Variants in SH2D4A observed in about 807,000 individuals in gnomAD.
SH2D4A encodes the protein SH2 domain containing 4A.
Under a neutral mutation model 64.7 loss-of-function variants are expected in SH2D4A, and 70 were observed. The observed-to-expected ratio is 1.08, with a 90% CI of 0.89 to 1.32. The LOEUF is 1.32. Ranked by LOEUF, SH2D4A falls within the 40% of genes most tolerant of loss-of-function variation. SH2D4A has a pLI of 0.00. For missense variants in SH2D4A, 706 were observed against 540.1 expected (o/e 1.31, Z -3.04); for synonymous variants, 268 against 200.7 (o/e 1.34, Z -2.83).
intron 4 of SH2D4A, among the ~76,000 whole-genome samples, chr8:19,338,687 A>G (rs1014858153): frequency 6.6e-6 from 1 of 152,198 alleles, no homozygotes; most frequent in Non-Finnish European, 1.5e-5. Flanking sequence ...AGTCTATGGA[A>G]GTCACGCAGC....
At chr8:19,392,453 T>C (rs1443920113) in intron 8 of SH2D4A, among the ~76,000 whole-genome samples, 1 of 152,052 alleles carries the variant, frequency 6.6e-6, no homozygotes. Context: ...TTTAGCAACA[T>C]CCCTGACCTC....
intron 6 of SH2D4A, among the ~76,000 whole-genome samples, chr8:19,362,463 G>A (rs2052907429): frequency 6.6e-6 from 1 of 152,202 alleles, no homozygotes; most frequent in South Asian, 2.1e-4. Context: ...TTTTAGGCCA[G>A]GCACTGTGTC....
intron 9 of SH2D4A, among the ~76,000 whole-genome samples, chr8:19,394,237 A>C (rs927629300): frequency 1.3e-4 from 20 of 152,148 alleles, no homozygotes; most frequent in African/African-American, 4.6e-4. Flanking sequence ...AATACAGATG[A>C]AGCTTCACTC....
chr8:19,320,430 A>G (rs1473069130), intron 2 of SH2D4A, among the ~76,000 whole-genome samples: 1 of 152,020 alleles, frequency 6.6e-6, no homozygotes, highest in Non-Finnish European at 1.5e-5. Flanking sequence ...AGTTCTGACC[A>G]GCCTGGAAAT....
chr8:19,318,985 T>G (rs2052137254), intron 1 of SH2D4A, among the ~76,000 whole-genome samples: 1 of 152,158 alleles, frequency 6.6e-6, no homozygotes, highest in African/African-American at 2.4e-5. Flanking sequence ...CCTGTGACTT[T>G]TTTTTTTCTT....
At chr8:19,316,558 G>C (rs377657754) in intron 1 of SH2D4A, among the ~76,000 whole-genome samples, 1 of 152,266 alleles carries the variant, frequency 6.6e-6, no homozygotes, top group South Asian at 2.1e-4. Flanking sequence ...TTCCTGGCTG[G>C]GGTGTGTGCA....
intron 4 of SH2D4A, among the ~76,000 whole-genome samples, chr8:19,348,578 A>G (rs1447772546): frequency 6.6e-6 from 1 of 152,154 alleles, no homozygotes; most frequent in Non-Finnish European, 1.5e-5. Flanking sequence ...ACTGGACTTC[A>G]GTGGTTTGCC....
intron 8 of SH2D4A, 136 bp downstream of exon 8, chr8:19,373,796 A>G: frequency 2.4e-6 from 3 of 1,234,104 alleles, no homozygotes; most frequent in South Asian, 1.8e-5. Flanking sequence ...TTCACAAAGC[A>G]GTTTTTCAAA....
intron 7 of SH2D4A, among the ~76,000 whole-genome samples, chr8:19,365,479 G>C (rs1012254198): frequency 1.3e-5 from 2 of 152,204 alleles, no homozygotes; most frequent in African/African-American, 2.4e-5. Context: ...GCTGGAGCTT[G>C]TCTGTCCGCA....
intron 4 of SH2D4A, among the ~76,000 whole-genome samples, chr8:19,347,868 C>A (rs998265563): frequency 2.0e-5 from 3 of 152,184 alleles, no homozygotes; most frequent in African/African-American, 7.2e-5. Context: ...AGGCCTCTTA[C>A]CTCTCCACCT....
Position 19,393,346 on chromosome 8 carries a change from ACTT to A in SH2D4A, c.1083_1085del (p.Leu362del), listed in dbSNP as rs748097834. 25 of 1,614,192 alleles carry A rather than the reference ACTT, an allele frequency of 1.5e-5. No homozygotes were observed. Among genetic ancestry groups the A allele is most frequent in the East Asian group, 4.5e-5 (2 of 44,882 alleles). ...TTCTCACACTCAAGAAAGCAAATGA[ACTT>A]CTTCTGAGCACAGGCATGCCCGGCA... is the stretch of plus-strand genomic sequence containing the variant. On this transcript the variant is annotated inframe_deletion, in exon 9 of 10. Coordinates refer to ENST00000265807, the MANE Select transcript of SH2D4A (RefSeq NM_022071.4).
At chr8:19,326,618 C>A (rs1483700352) in intron 2 of SH2D4A, among the ~76,000 whole-genome samples, 1 of 151,940 alleles carries the variant, frequency 6.6e-6, no homozygotes, top group Non-Finnish European at 1.5e-5. Context: ...TTCTCCTTCC[C>A]TTTCTCTCTG....
intron 2 of SH2D4A, among the ~76,000 whole-genome samples, chr8:19,322,183 T>C (rs1200697553): frequency 6.6e-6 from 1 of 152,218 alleles, no homozygotes; most frequent in Non-Finnish European, 1.5e-5. Context: ...TTGCGCTGTC[T>C]TTGAAGATAA....
chr8:19,356,595 G>A (rs1472132686), intron 4 of SH2D4A, among the ~76,000 whole-genome samples: 1 of 152,204 alleles, frequency 6.6e-6, no homozygotes, highest in Non-Finnish European at 1.5e-5. Flanking sequence ...CGGCAGGCAG[G>A]AATGACACCA....
chr8:19,391,808 C>G (rs2053497753), intron 8 of SH2D4A, among the ~76,000 whole-genome samples: 1 of 152,220 alleles, frequency 6.6e-6, no homozygotes, highest in Non-Finnish European at 1.5e-5. Context: ...TCTCAATTAG[C>G]TGTACTAACA....
chr8:19,394,772 ATC>A lies in SH2D4A; in HGVS notation c.*131_*132del, dbSNP rs2053559826. On this transcript the variant is annotated 3_prime_UTR_variant, in exon 10 of 10. Transcript: ENST00000265807. ...AATACTGATCAACTGAAAGTAAAGT[ATC>A]CATGGAGTCCTCATTGACACCTCTT... is the stretch of plus-strand genomic sequence containing the variant. 4.9e-6 allele frequency: 2 copies of A among 410,164 alleles called. No individual in the cohort carries two copies. Among genetic ancestry groups the A allele is most frequent in the Admixed American group, 4.4e-5 (1 of 22,490 alleles). The allele number at this position is 410,164 out of a possible 1,614,324, so 25.4% of individuals were successfully genotyped here.
At chr8:19,334,184 G>A (rs1167907091) in intron 3 of SH2D4A, among the ~76,000 whole-genome samples, 1 of 152,104 alleles carries the variant, frequency 6.6e-6, no homozygotes, top group East Asian at 1.9e-4. Flanking sequence ...CAGACATGAG[G>A]ACCACCGTTC....
intron 4 of SH2D4A, among the ~76,000 whole-genome samples, chr8:19,350,266 C>A (rs537854845): frequency 6.6e-6 from 1 of 152,288 alleles, no homozygotes; most frequent in South Asian, 2.1e-4. Flanking sequence ...CATGTGAATG[C>A]TTTGCCCAAG....
intron 7 of SH2D4A, among the ~76,000 whole-genome samples, chr8:19,364,517 T>C (rs989248362): frequency 6.6e-6 from 1 of 151,998 alleles, no homozygotes; most frequent in African/African-American, 2.4e-5. Context: ...CCCAGTGAAA[T>C]AGTAAAGCTG....
Sources: allele counts gnomAD v4.1 joint callset (sites outside exome capture counted in the v4.1 genomes callset), GRCh38; gene constraint gnomAD v4.1.1; transcripts MANE v1.5; gene names NCBI Gene and HGNC (gene_info 2026-07-23, HGNC 2026-07-21).